Variants in GRM1 observed in about 807,000 individuals in gnomAD.
The protein encoded by GRM1 is metabotropic glutamate receptor 1.
In GRM1, 33 loss-of-function variants were observed where a neutral mutation model predicts 90.9. The ratio of observed to expected loss-of-function variants is 0.36; its 90% CI spans 0.28 to 0.49. The LOEUF (loss-of-function observed/expected upper bound fraction) is 0.49. Ranked by LOEUF, GRM1 falls within the 20% of genes least tolerant of loss-of-function variation. GRM1 has a pLI of 0.99. For synonymous variants in GRM1, 700 were observed against 613.2 expected, an observed-to-expected ratio of 1.14 and a Z score of -2.09; for missense variants, 1,190 against 1,534.3, an observed-to-expected ratio of 0.78 and a Z score of 3.75.
chr6:146,403,078 A>G (rs1161492521), intron 7 of GRM1, among the ~76,000 whole-genome samples: 1 of 151,488 alleles, frequency 6.6e-6, no homozygotes, highest in African/African-American at 2.5e-5. Context: ...TAAAATATTG[A>G]AAAAATCGAT....
Position 146,434,725 on chromosome 6 carries a change from T to A in GRM1, c.3514T>A (p.Cys1172Ser). 6.2e-7 allele frequency: 1 copy of A among 1,601,552 alleles called. No individual in the cohort carries two copies. The highest frequency in any genetic ancestry group is 8.5e-7 in the Non-Finnish European group (1 of 1,179,924). ...PSSPVSESVLCTPPNVSYASV... is the reference protein window; with the variant it reads ...PSSPVSESVLSTPPNVSYASV... ...CTCCCCCGTGTCCGAGTCGGTGCTC[T>A]GCACCCCTCCCAACGTATCCTACGC... The change falls in exon 8 of 8, where the codon TGC becomes AGC. Residue 1172 changes from cysteine (C) to serine (S), a missense_variant. Cys to Ser is a moderately radical substitution (Grantham distance 112). This residue lies in a region of GRM1 where 48 missense variants were observed against 48.5 expected (regional missense o/e 0.99). Transcript: ENST00000282753.
intron 2 of GRM1, among the ~76,000 whole-genome samples, chr6:146,185,143 G>A (rs1214939317): frequency 6.6e-6 from 1 of 152,162 alleles, no homozygotes; most frequent in Non-Finnish European, 1.5e-5. Flanking sequence ...CATGACATCT[G>A]GATGATATGC....
chr6:146,437,346 A>T lies in GRM1; in HGVS notation c.*2550A>T, dbSNP rs1421046294. 6.6e-6 allele frequency: 1 copy of T among 152,530 alleles called. No homozygotes were observed. Among genetic ancestry groups the T allele is most frequent in the Non-Finnish European group, 1.5e-5 (1 of 68,016 alleles). The allele number at this position is 152,530 out of a possible 1,614,324, so 9.4% of individuals were successfully genotyped here. A position where few individuals can be genotyped will look rare whatever the true frequency, so the allele number is the denominator to read the frequency against. ...TTCATTCAACTGTGATCACTTTATT[A>T]CTCTGAATGCCTACTATTATCCTGA... On this transcript the variant is annotated 3_prime_UTR_variant, in exon 8 of 8. Coordinates refer to ENST00000282753, the MANE Select transcript of GRM1 (RefSeq NM_001278064.2).
At chr6:146,071,205 C>T (rs1183015611) in intron 1 of GRM1, among the ~76,000 whole-genome samples, 2 of 152,150 alleles carry the variant, frequency 1.3e-5, no homozygotes, top group Non-Finnish European at 2.9e-5. Context: ...TGTCTCTTCT[C>T]TTTAAAAGGA....
intron 2 of GRM1, among the ~76,000 whole-genome samples, chr6:146,190,998 A>G (rs1399448094): frequency 1.3e-5 from 2 of 152,112 alleles, no homozygotes; most frequent in African/African-American, 4.8e-5. Flanking sequence ...CCTCTTCAAT[A>G]TCATCACACA....
intron 2 of GRM1, among the ~76,000 whole-genome samples, chr6:146,303,350 G>A (rs1783462913): frequency 6.6e-6 from 1 of 152,094 alleles, no homozygotes; most frequent in African/African-American, 2.4e-5. Context: ...GACCAAGACA[G>A]CCTTAATATT....
At chr6:146,409,726 G>A (rs1024565583) in intron 7 of GRM1, among the ~76,000 whole-genome samples, 1 of 152,058 alleles carries the variant, frequency 6.6e-6, no homozygotes, top group Admixed American at 6.5e-5. Flanking sequence ...ATTTAATCAA[G>A]TTAACAAAAA....
chr6:146,300,919 C>T (rs1389611624), intron 2 of GRM1, among the ~76,000 whole-genome samples: 3 of 152,196 alleles, frequency 2.0e-5, no homozygotes, highest in Non-Finnish European at 4.4e-5. Flanking sequence ...AAACAACATC[C>T]TCACACAGAA....
intron 5 of GRM1, among the ~76,000 whole-genome samples, chr6:146,366,953 T>G (rs1174773489): frequency 6.6e-6 from 1 of 152,172 alleles, no homozygotes; most frequent in African/African-American, 2.4e-5. Context: ...GCTTTTGAGG[T>G]TTTATCCAGA....
chr6:146,044,298 A>T (rs1791243207), intron 1 of GRM1, among the ~76,000 whole-genome samples: 1 of 151,974 alleles, frequency 6.6e-6, no homozygotes, highest in African/African-American at 2.4e-5. Flanking sequence ...GTCTGTTTGT[A>T]AAGTGACTGC....
At chr6:146,092,933 T>G (rs2128867989) in intron 1 of GRM1, among the ~76,000 whole-genome samples, 1 of 152,278 alleles carries the variant, frequency 6.6e-6, no homozygotes, top group East Asian at 1.9e-4. Flanking sequence ...GAAACATTGC[T>G]GGTAATATCA....
intron 2 of GRM1, among the ~76,000 whole-genome samples, chr6:146,224,963 C>T (rs1336729186): frequency 6.6e-6 from 1 of 152,108 alleles, no homozygotes; most frequent in East Asian, 1.9e-4. Context: ...GAGACCTTCT[C>T]CCCACCCCAA....
chr6:146,360,583 G>A (rs1280786480), intron 5 of GRM1, among the ~76,000 whole-genome samples: 1 of 152,082 alleles, frequency 6.6e-6, no homozygotes, highest in Non-Finnish European at 1.5e-5. Context: ...GGGACCAAAG[G>A]AAACCTCACA....
chr6:146,350,647 A>T (rs1436218802), intron 3 of GRM1, among the ~76,000 whole-genome samples: 2 of 152,166 alleles, frequency 1.3e-5, no homozygotes, highest in Non-Finnish European at 2.9e-5. Flanking sequence ...ACCAACAGTA[A>T]GGGCCATGGG....
At chr6:146,314,874 G>C (rs1320455113) in intron 3 of GRM1, among the ~76,000 whole-genome samples, 2 of 152,120 alleles carry the variant, frequency 1.3e-5, no homozygotes, top group Non-Finnish European at 2.9e-5. Flanking sequence ...TGGAATCAAG[G>C]TTGTCGTATC....
intron 1 of GRM1, among the ~76,000 whole-genome samples, chr6:146,060,005 C>G (rs957761873): frequency 6.6e-6 from 1 of 152,132 alleles, no homozygotes; most frequent in Non-Finnish European, 1.5e-5. Context: ...GGCTGTTTCA[C>G]TTTCTTATCA....
At chr6:146,104,152 G>A (rs1777142239) in intron 1 of GRM1, among the ~76,000 whole-genome samples, 1 of 152,036 alleles carries the variant, frequency 6.6e-6, no homozygotes, top group Non-Finnish European at 1.5e-5. Flanking sequence ...AAGAAGGAGT[G>A]GTTGCCAGCT....
chr6:146,420,176 G>A (rs1002020984), intron 7 of GRM1, among the ~76,000 whole-genome samples: 4 of 152,184 alleles, frequency 2.6e-5, no homozygotes, highest in Non-Finnish European at 4.4e-5. Context: ...CAGACTCATC[G>A]AGGAGAGGGC....
At chr6:146,273,934 T>C (rs2114833181) in intron 2 of GRM1, among the ~76,000 whole-genome samples, 1 of 152,338 alleles carries the variant, frequency 6.6e-6, no homozygotes, top group East Asian at 1.9e-4. Flanking sequence ...GGTAATGGAA[T>C]TCAACCTTTT....
Sources: allele counts gnomAD v4.1 joint callset (sites outside exome capture counted in the v4.1 genomes callset), GRCh38; gene constraint gnomAD v4.1.1; regional missense constraint gnomAD v4.1.1; transcripts MANE v1.5; gene names NCBI Gene and HGNC (gene_info 2026-07-23, HGNC 2026-07-21).